The following TBCD variants were observed in gnomAD, a reference collection of about 807,000 sequenced individuals.
The protein encoded by TBCD is tubulin-specific chaperone D.
In TBCD, 105 loss-of-function variants were observed where a neutral mutation model predicts 169.3. The ratio of observed to expected loss-of-function variants is 0.62; its 90% CI spans 0.53 to 0.73. The LOEUF (loss-of-function observed/expected upper bound fraction) is 0.73, where lower values mean the gene tolerates loss of function less well. TBCD is among the 30% of genes least tolerant of loss of function. The pLI is 0.00. For synonymous variants in TBCD, 700 were observed against 643.9 expected (o/e 1.09, Z -1.32); for missense variants, 1,444 against 1,600.1 (o/e 0.90, Z 1.66).
chr17:82,933,273 CTTT>C (rs10639851), intron 34 of TBCD, among the ~76,000 whole-genome samples: 4 of 114,622 alleles, frequency 3.5e-5, no homozygotes, highest in Admixed American at 1.0e-4. Context: ...TTGGGCCAGT[CTTT>C]TTTTTTTTTT....
rs185443771 is a variant in TBCD, at chr17:82,926,825, G to A, written c.2471+334G>A. The A allele has an allele frequency of 3.3e-3, 1,671 of 499,774 alleles. 4 individuals carry two copies. The highest frequency in any genetic ancestry group is 4.8e-3 in the Non-Finnish European group (1,354 of 279,484). 31.0% of individuals were successfully genotyped at this position (499,774 alleles called of 1,614,324 possible). On this transcript the variant is annotated intron_variant, in intron 28 of 38. Coordinates refer to ENST00000355528, the MANE Select transcript of TBCD (RefSeq NM_005993.5). The stretch of plus-strand genomic sequence containing the variant: ...TTGACAGACACGCACCTGGGGCCAC[G>A]CCATATGCCCTCTCCTCCCTGCAGG...
intron 13 of TBCD, among the ~76,000 whole-genome samples, chr17:82,846,859 C>T (rs1169150235): frequency 6.6e-6 from 1 of 151,988 alleles, no homozygotes; most frequent in Non-Finnish European, 1.5e-5. Flanking sequence ...CCTGGGACCG[C>T]GTGTCCAGGA....
chr17:82,858,806 G>A (rs543543488), intron 13 of TBCD: 47 of 319,374 alleles, frequency 1.5e-4, no homozygotes, highest in African/African-American at 9.6e-4. Flanking sequence ...TTAGGATCCC[G>A]CTTGGTGGCG....
intron 17 of TBCD, among the ~76,000 whole-genome samples, chr17:82,895,396 G>A (rs2059407520): frequency 6.6e-6 from 1 of 152,228 alleles, no homozygotes; most frequent in Admixed American, 6.5e-5. Context: ...GAGGGCATGG[G>A]ACTGAGCACA....
chr17:82,771,308 T>G (rs995361702), intron 5 of TBCD, among the ~76,000 whole-genome samples: 1 of 151,982 alleles, frequency 6.6e-6, no homozygotes, highest in Non-Finnish European at 1.5e-5. Context: ...ACTCAGTCTC[T>G]ACCAAAAAAT....
chr17:82,817,162 G>T (rs1332204967), intron 13 of TBCD, among the ~76,000 whole-genome samples: 3 of 151,988 alleles, frequency 2.0e-5, no homozygotes, highest in African/African-American at 7.3e-5. Context: ...ACAGAGTCTT[G>T]CTCCGTTGCC....
chr17:82,903,292 C>A lies in TBCD; in HGVS notation c.1731-113C>A. 1 of 961,194 alleles carries A rather than the reference C, an allele frequency of 1.0e-6. No homozygotes were observed. Among genetic ancestry groups the A allele is most frequent in the Non-Finnish European group, 1.6e-6 (1 of 623,942 alleles). The allele number at this position is 961,194 out of a possible 1,614,324, so 59.5% of individuals were successfully genotyped here. A position where few individuals can be genotyped will look rare whatever the true frequency, so the allele number is the denominator to read the frequency against. The stretch of plus-strand genomic sequence containing the variant: ...GTGTGAGTGAGTGAGTGAGCCTCTG[C>A]TAAGTGGCCGGTTGAGGACTCGTGT... On this transcript the variant is annotated intron_variant, in intron 18 of 38. Transcript: ENST00000355528. The surrounding 1 kb of genome is among the most constrained non-coding windows in gnomAD (Gnocchi z 4.8).
intron 13 of TBCD, chr17:82,865,356 A>C (rs982647445): frequency 1.5e-6 from 1 of 650,772 alleles, no homozygotes. Context: ...CTGCACCGGC[A>C]GGCTCCACGC....
chr17:82,817,241 C>T (rs887103420), intron 13 of TBCD, among the ~76,000 whole-genome samples: 1 of 152,162 alleles, frequency 6.6e-6, no homozygotes, highest in Non-Finnish European at 1.5e-5. Flanking sequence ...AGCCATATTC[C>T]CACCTTAGCT....
chr17:82,775,827 C>T (rs2048562588), intron 6 of TBCD, among the ~76,000 whole-genome samples: 1 of 151,766 alleles, frequency 6.6e-6, no homozygotes, highest in South Asian at 2.1e-4. Flanking sequence ...ACCAGCATGG[C>T]ACATGTATAC....
rs2146385545 is a variant in TBCD, at chr17:82,890,581, G to A, written c.1563+884G>A. 6.6e-6 allele frequency among the ~76,000 whole-genome samples: 1 copy of A among 152,322 alleles called. No individual in the cohort carries two copies. The highest frequency in any genetic ancestry group is 2.1e-4 in the South Asian group (1 of 4,824). ...CCAGAGTCAGCTGGAGAGGCGGGCG[G>A]ACGAGGACTTGCGCCTGTTATTGAA... On this transcript the variant is annotated intron_variant, in intron 16 of 38. Coordinates refer to ENST00000355528, the MANE Select transcript of TBCD (RefSeq NM_005993.5). This position sits in a 1 kb window ranked among gnomAD's most constrained non-coding sequence, Gnocchi z 5.3.
intron 13 of TBCD, among the ~76,000 whole-genome samples, chr17:82,854,196 A>G (rs945246969): frequency 1.2e-4 from 18 of 152,238 alleles, no homozygotes; most frequent in African/African-American, 4.3e-4. Flanking sequence ...GAATCCGAAA[A>G]TCCAAAACCG....
rs36201910 is a variant in TBCD, at chr17:82,922,360, TCAAAAACAAAAA to T, written c.2178+802_2178+813del. ...TGGGTGACAAGAGCAAGACCCTGCC[TCAAAAACAAAAA>T]CAAAAACAAAAACAAAAAAAACCAT... On this transcript the variant is annotated intron_variant, in intron 25 of 38. Coordinates refer to ENST00000355528, the MANE Select transcript of TBCD (RefSeq NM_005993.5). This position sits in a 1 kb window ranked among gnomAD's most constrained non-coding sequence, Gnocchi z 4.1. 0.34 allele frequency among the ~76,000 whole-genome samples: 51,715 copies of T among 151,328 alleles called. 9,718 individuals carry two copies. The highest frequency in any genetic ancestry group is 0.51 in the African/African-American group (20,938 of 41,114).
At chr17:82,801,075 A>T in intron 9 of TBCD, 79 bp downstream of exon 9, 1 of 868,944 alleles carries the variant, frequency 1.2e-6, no homozygotes, top group Non-Finnish European at 1.4e-6. Flanking sequence ...GCCATTGATG[A>T]GGGCGGGGCA....
In TBCD at chr17:82,923,259, T is replaced by C. The variant is rs1599586979; in HGVS notation, c.2179-393T>C. Reference sequence around the variant, plus strand: ...GTGGAAGGAATAATCAGGTTATCCATTCAGTTTCTTAGTTGTAGTGGTAGT... The same window carrying C: ...GTGGAAGGAATAATCAGGTTATCCACTCAGTTTCTTAGTTGTAGTGGTAGT... On this transcript the variant is annotated intron_variant, in intron 25 of 38. Coordinates refer to ENST00000355528, the MANE Select transcript of TBCD (RefSeq NM_005993.5). The surrounding 1 kb of genome is among the most constrained non-coding windows in gnomAD (Gnocchi z 4.6). 1.3e-5 allele frequency among the ~76,000 whole-genome samples: 2 copies of C among 152,236 alleles called. No homozygotes were observed. Among genetic ancestry groups the C allele is most frequent in the African/African-American group, 4.8e-5 (2 of 41,470 alleles).
At chr17:82,770,098 C>T (rs1430190229) in intron 5 of TBCD, among the ~76,000 whole-genome samples, 1 of 152,154 alleles carries the variant, frequency 6.6e-6, no homozygotes, top group African/African-American at 2.4e-5. Flanking sequence ...TATCTGGAGT[C>T]TGTGCTCTTC....
chr17:82,920,358 C>T lies in TBCD; in HGVS notation c.2039-198C>T, dbSNP rs537995042. 154 of 612,400 alleles carry T rather than the reference C, an allele frequency of 2.5e-4. No individual in the cohort carries two copies. The highest frequency in any genetic ancestry group is 4.2e-4 in the Non-Finnish European group (146 of 349,042). 37.9% of individuals were successfully genotyped at this position (612,400 alleles called of 1,614,324 possible). A position where few individuals can be genotyped will look rare whatever the true frequency, so the allele number is the denominator to read the frequency against. On this transcript the variant is annotated intron_variant, in intron 23 of 38. Coordinates refer to ENST00000355528, the MANE Select transcript of TBCD (RefSeq NM_005993.5). The surrounding 1 kb of genome is among the most constrained non-coding windows in gnomAD (Gnocchi z 4.1). ...GCAGCACTTTCTTCAGGCTGCTCAG[C>T]GGAGGAGGCGTCTTGGGCTTCTCAT... is the stretch of plus-strand genomic sequence containing the variant.
At chr17:82,797,690 ATTTG>A (rs2050196860) in intron 7 of TBCD, 63 bp from the exon 8 acceptor site, 1 of 1,204,288 alleles carries the variant, frequency 8.3e-7, no homozygotes, top group Non-Finnish European at 1.2e-6. Context: ...TGTTTTCACA[ATTTG>A]TGTGTATGTT....
intron 2 of TBCD, among the ~76,000 whole-genome samples, chr17:82,762,607 G>C (rs921425106): frequency 2.6e-5 from 4 of 151,436 alleles, no homozygotes; most frequent in African/African-American, 9.7e-5. Flanking sequence ...AAATTAGCCG[G>C]GTGTGGTGGC....
Sources: gnomAD v4.1 joint callset for allele counts (sites outside exome capture counted in the v4.1 genomes callset) on GRCh38, gnomAD v4.1.1 for gene constraint, Gnocchi (gnomAD v3.1) non-coding constraint, MANE v1.5 for transcripts, NCBI Gene and HGNC (gene_info 2026-07-23, HGNC 2026-07-21) for gene names.